The following GCNT2 variants were observed in gnomAD, a reference collection of about 807,000 sequenced individuals.
The protein encoded by GCNT2 is glucosaminyl (N-acetyl) transferase 2 (I blood group).
Under a neutral mutation model 34.2 loss-of-function variants are expected in GCNT2, and 34 were observed. The ratio of observed to expected loss-of-function variants is 1.00; its 90% CI spans 0.76 to 1.32. The LOEUF (loss-of-function observed/expected upper bound fraction) is 1.32. GCNT2 is among the 40% of genes most tolerant of loss of function. The probability of loss-of-function intolerance (pLI) is 0.00; values close to 1 mark genes in which losing one functional copy is unlikely to be tolerated. For synonymous variants in GCNT2, 212 were observed against 188.0 expected (o/e 1.13, Z -1.04); for missense variants, 584 against 489.4 (o/e 1.19, Z -1.82).
rs869251646 is a variant in GCNT2, at chr6:10,542,893, CT to C, written c.925+13082del. On this transcript the variant is annotated intron_variant, in intron 3 of 4. Coordinates refer to ENST00000495262, the MANE Select transcript of GCNT2 (RefSeq NM_145649.5). Reference sequence around the variant, plus strand: ...GAAACTGCTGGTCCCTATGTTAATTCTTTTTTTTTTTTTTTTTTTTTTTTTA... The same window carrying C: ...GAAACTGCTGGTCCCTATGTTAATTCTTTTTTTTTTTTTTTTTTTTTTTTA... Among the ~76,000 whole-genome samples, 629 of 82,252 alleles carry C rather than the reference CT, an allele frequency of 7.6e-3. 3 individuals carry two copies. Among genetic ancestry groups the C allele is most frequent in the East Asian group, 0.027 (71 of 2,608 alleles). 54.0% of individuals were successfully genotyped at this position (82,252 alleles called of 152,430 possible).
At position 10,529,647 on chromosome 6, in the gene GCNT2, A is replaced by G. The variant is rs767344843; in HGVS notation, c.736A>G (p.Lys246Glu). 1.2e-5 allele frequency: 20 copies of G among 1,614,012 alleles called. No individual in the cohort carries two copies. Among genetic ancestry groups the G allele is most frequent in the Non-Finnish European group, 1.4e-5 (17 of 1,180,020 alleles). The change falls in exon 3 of 5, where the codon AAA becomes GAA. Residue 246 changes from lysine to glutamate, a missense_variant. By Grantham distance (56) the Lys-to-Glu change is moderately conservative. Transcript: ENST00000495262. ...AAACCACAAAAATTCCTACGTGATT[A>G]AAACAACAAAATTAAAAACTCCTCC... ...LLNHKNSYVIKTTKLKTPPPH... is the reference protein window; with the variant it reads ...LLNHKNSYVIETTKLKTPPPH...
intron 3 of GCNT2, among the ~76,000 whole-genome samples, chr6:10,563,279 G>T: frequency 6.6e-6 from 1 of 152,090 alleles, no homozygotes; most frequent in Non-Finnish European, 1.5e-5. Flanking sequence ...TGACCTAACC[G>T]TACCCTTTTC....
intron 3 of GCNT2, among the ~76,000 whole-genome samples, chr6:10,554,649 T>C (rs1436331627): frequency 6.6e-6 from 1 of 152,202 alleles, no homozygotes; most frequent in African/African-American, 2.4e-5. Context: ...AATAACCTAA[T>C]ATTTAAAAGT....
chr6:10,597,413 C>A (rs372157202), intron 3 of GCNT2, among the ~76,000 whole-genome samples: 1 of 151,972 alleles, frequency 6.6e-6, no homozygotes, highest in South Asian at 2.1e-4. Flanking sequence ...CCTCAGCCCC[C>A]CAGAGTGCTG....
chr6:10,545,108 A>C (rs1484744787), intron 3 of GCNT2, among the ~76,000 whole-genome samples: 1 of 152,110 alleles, frequency 6.6e-6, no homozygotes, highest in African/African-American at 2.4e-5. Flanking sequence ...TTAAGAATCA[A>C]GTGGGTACAG....
At chr6:10,556,241 T>C (rs980398146) in intron 3 of GCNT2, 44 of 1,449,146 alleles carry the variant, frequency 3.0e-5, no homozygotes, top group Non-Finnish European at 4.0e-5. Context: ...GGCTGTAATA[T>C]CGGCACAGGG....
Position 10,529,177 on chromosome 6 carries a change from C to G in GCNT2, c.266C>G (p.Ser89Cys), listed in dbSNP as rs1761348470. ...VRSHYVTETLSEEEAGFPLAY... is the reference protein window; with the variant it reads ...VRSHYVTETLCEEEAGFPLAY... ...AGCCACTATGTAACAGAAACACTCT[C>G]TGAAGAAGAGGCTGGGTTCCCTTTA... The change falls in exon 3 of 5, where the codon TCT becomes TGT. Residue 89 changes from serine to cysteine, a missense_variant. Coordinates refer to ENST00000495262, the MANE Select transcript of GCNT2 (RefSeq NM_145649.5). The G allele has an allele frequency of 1.2e-6, 2 of 1,614,174 alleles. No individual in the cohort carries two copies. The highest frequency in any genetic ancestry group is 1.7e-6 in the Non-Finnish European group (2 of 1,180,022).
rs56141211 is a variant in GCNT2 at position 10,626,447 on chromosome 6, G to A, written c.1049G>A (p.Gly350Glu). 1.9e-5 allele frequency: 30 copies of A among 1,613,622 alleles called. No individual in the cohort carries two copies. In the East Asian group the frequency reaches 6.5e-4, roughly 35 times the overall value. Residue 350 changes from glycine (G) to glutamate (E), a missense_variant, in exon 5 of 5, where the codon GGA (glycine) becomes GAA (glutamate). Transcript: ENST00000495262. ...TATGTACATGGTATTTGTATCTATG[G>A]AAACGGAGACTTAAAGTGGCTGGTT... ...GHYVHGICIY[G>E]NGDLKWLVNS...
intron 3 of GCNT2, among the ~76,000 whole-genome samples, chr6:10,589,208 GGT>G (rs1037304495): frequency 4.2e-5 from 6 of 144,222 alleles, no homozygotes; most frequent in South Asian, 2.3e-4. Flanking sequence ...TGGTGTGTGT[GGT>G]GTGTGTGTTT....
chr6:10,580,533 C>G (rs1764025699), intron 3 of GCNT2, among the ~76,000 whole-genome samples: 1 of 151,768 alleles, frequency 6.6e-6, no homozygotes. Context: ...GGTTGCCAGC[C>G]AGGCACAACT....
chr6:10,578,551 A>C (rs1413327045), intron 3 of GCNT2, among the ~76,000 whole-genome samples: 2 of 139,440 alleles, frequency 1.4e-5, no homozygotes, highest in African/African-American at 5.5e-5. Flanking sequence ...GGTTCATGCC[A>C]TTCTCCTGCC....
intron 3 of GCNT2, among the ~76,000 whole-genome samples, chr6:10,608,905 A>G (rs370238128): frequency 3.3e-5 from 5 of 152,226 alleles, no homozygotes; most frequent in African/African-American, 1.2e-4. Context: ...CTACATGTCA[A>G]CAGGGCCAGA....
chr6:10,605,208 A>ATTTTTTTTTTTTT (rs869167781), intron 3 of GCNT2, among the ~76,000 whole-genome samples: 3 of 94,204 alleles, frequency 3.2e-5, no homozygotes, highest in African/African-American at 1.3e-4. Context: ...TCATGTAGGA[A>ATTTTTTTTTTTTT]TTTTTTTTTT....
In GCNT2 at chr6:10,627,941, T is replaced by G. The variant is rs1354394597; in HGVS notation, c.*1334T>G. 3 of 152,658 alleles carry G rather than the reference T, an allele frequency of 2.0e-5. No individual in the cohort carries two copies. The highest frequency in any genetic ancestry group is 4.4e-5 in the Non-Finnish European group (3 of 68,042). 9.5% of individuals were successfully genotyped at this position (152,658 alleles called of 1,614,324 possible). ...CCATTCTGGTATTCCTTTATGTATC[T>G]AATTTCATTCAAACCTCACAACAGT... On this transcript the variant is annotated 3_prime_UTR_variant, in exon 5 of 5. Coordinates refer to ENST00000495262, the MANE Select transcript of GCNT2 (RefSeq NM_145649.5).
chr6:10,585,870 C>A, intron 3 of GCNT2: 1 of 1,541,076 alleles, frequency 6.5e-7, no homozygotes, highest in East Asian at 2.3e-5. Context: ...GGAAAGCAAG[C>A]AGCCCTCCGG....
At chr6:10,569,947 TCTTC>T (rs111705213) in intron 3 of GCNT2, among the ~76,000 whole-genome samples, 89,500 of 145,318 alleles carry the variant, frequency 0.62, 28,173 homozygotes, top group Middle Eastern at 0.72. Flanking sequence ...CTTCCTTCCT[TCTTC>T]CTTCCTTCCT....
At chr6:10,556,558 T>C in intron 3 of GCNT2, 1 of 1,614,164 alleles carries the variant, frequency 6.2e-7, no homozygotes, top group Non-Finnish European at 8.5e-7. Flanking sequence ...TGAGGCTGAC[T>C]CAAGTTTGCA....
At chr6:10,575,835 C>G (rs1763783344) in intron 3 of GCNT2, among the ~76,000 whole-genome samples, 1 of 152,066 alleles carries the variant, frequency 6.6e-6, no homozygotes, top group South Asian at 2.1e-4. Flanking sequence ...AAAAAGCTCC[C>G]CCACTGAGCA....
chr6:10,573,095 CTAT>C (rs1763625051), intron 3 of GCNT2: 1 of 707,256 alleles, frequency 1.4e-6, no homozygotes, highest in Non-Finnish European at 1.7e-6. Context: ...CTGCCTATCT[CTAT>C]TTTAAGACTT....
Sources: allele counts gnomAD v4.1 joint callset (sites outside exome capture counted in the v4.1 genomes callset), GRCh38; gene constraint gnomAD v4.1.1; transcripts MANE v1.5; gene names NCBI Gene and HGNC (gene_info 2026-07-23, HGNC 2026-07-21).